TNIK: variants seen among roughly 807,000 people sequenced by gnomAD.
TNIK encodes TRAF2 and NCK-interacting protein kinase.
Under a neutral mutation model 191.3 loss-of-function variants are expected in TNIK, and 49 were observed. The observed-to-expected ratio is 0.26, with a 90% CI of 0.20 to 0.32. The LOEUF is 0.32. Ranked by LOEUF, TNIK falls within the 10% of genes least tolerant of loss-of-function variation. TNIK has a pLI of 1.00. For missense variants in TNIK, 1,155 were observed against 1,702.3 expected (o/e 0.68, Z 5.66); for synonymous variants, 594 against 600.9 (o/e 0.99, Z 0.17).
chr3:171,263,721 C>T (rs1047546268), intron 2 of TNIK, among the ~76,000 whole-genome samples: 1 of 151,598 alleles, frequency 6.6e-6, no homozygotes, highest in Admixed American at 6.6e-5. Context: ...TGACAAGAGC[C>T]ATTATTAGAA....
At chr3:171,186,215 A>G (rs1292637573) in intron 7 of TNIK, among the ~76,000 whole-genome samples, 1 of 152,242 alleles carries the variant, frequency 6.6e-6, no homozygotes, top group Non-Finnish European at 1.5e-5. Context: ...TCCTAAGGAT[A>G]CTGAACAGAA....
intron 28 of TNIK, among the ~76,000 whole-genome samples, chr3:171,075,934 C>T (rs536839104): frequency 5.6e-4 from 85 of 152,192 alleles, no homozygotes; most frequent in African/African-American, 2.0e-3. Context: ...GACAGGGTTT[C>T]ACTATGTTGG....
intron 18 of TNIK, among the ~76,000 whole-genome samples, chr3:171,112,695 T>A (rs1282659649): frequency 1.3e-5 from 2 of 152,080 alleles, no homozygotes; most frequent in East Asian, 3.9e-4. Flanking sequence ...GTTTTTTTTT[T>A]CCTTTTTATA....
chr3:171,313,470 C>T (rs1754276734), intron 2 of TNIK, among the ~76,000 whole-genome samples: 1 of 152,118 alleles, frequency 6.6e-6, no homozygotes, highest in Non-Finnish European at 1.5e-5. Flanking sequence ...GTTTTCCTAT[C>T]ATTTGTAGGT....
At chr3:171,347,391 TCACA>T (rs150384769) in intron 2 of TNIK, among the ~76,000 whole-genome samples, 2,599 of 146,118 alleles carry the variant, frequency 0.018, 85 homozygotes, top group African/African-American at 0.063. Context: ...GAAGTGCCTA[TCACA>T]CACACACACA....
intron 2 of TNIK, among the ~76,000 whole-genome samples, chr3:171,235,937 T>G (rs770703088): frequency 1.1e-4 from 16 of 152,164 alleles, no homozygotes; most frequent in Non-Finnish European, 1.9e-4. Context: ...TGTATAGCCC[T>G]TAATAACTTA....
intron 22 of TNIK, among the ~76,000 whole-genome samples, chr3:171,099,540 A>T (rs1019968453): frequency 6.6e-6 from 1 of 152,156 alleles, no homozygotes; most frequent in Admixed American, 6.6e-5. Flanking sequence ...AGCAAGAGAG[A>T]TGAGTAAGGC....
chr3:171,347,256 C>CCCTAGCT, intron 2 of TNIK: 1 of 1,505,144 alleles, frequency 6.6e-7, no homozygotes, highest in Non-Finnish European at 8.8e-7. Flanking sequence ...AATGACAAAA[C>CCCTAGCT]CCTAGCTCAG....
At chr3:171,091,665 G>T (rs1032685190) in intron 23 of TNIK, among the ~76,000 whole-genome samples, 5 of 151,990 alleles carry the variant, frequency 3.3e-5, no homozygotes, top group Non-Finnish European at 7.4e-5. Flanking sequence ...AACCCAGGAG[G>T]TGGAGGTTGC....
At chr3:171,176,555 G>T (rs1735981665) in intron 8 of TNIK, among the ~76,000 whole-genome samples, 1 of 152,132 alleles carries the variant, frequency 6.6e-6, no homozygotes, top group African/African-American at 2.4e-5. Context: ...TAGGTGGAAG[G>T]GTCCCAGCCT....
intron 2 of TNIK, among the ~76,000 whole-genome samples, chr3:171,281,101 A>G (rs77495061): frequency 0.059 from 8,986 of 152,236 alleles, 307 homozygotes; most frequent in Middle Eastern, 0.12. Flanking sequence ...TTAGTAGGAA[A>G]CATTCTGGTT....
intron 2 of TNIK, among the ~76,000 whole-genome samples, chr3:171,234,520 C>A (rs929141574): frequency 6.6e-6 from 1 of 152,250 alleles, no homozygotes; most frequent in East Asian, 1.9e-4. Flanking sequence ...CTCTGAGTGA[C>A]AGAAAATGGA....
At chr3:171,241,797 G>A (rs1745016785) in intron 2 of TNIK, among the ~76,000 whole-genome samples, 1 of 152,058 alleles carries the variant, frequency 6.6e-6, no homozygotes, top group African/African-American at 2.4e-5. Context: ...ACTGGATTAA[G>A]AAAATGTGGC....
At chr3:171,102,522 G>A (rs757228010) in intron 21 of TNIK, among the ~76,000 whole-genome samples, 5 of 152,116 alleles carry the variant, frequency 3.3e-5, no homozygotes, top group Non-Finnish European at 7.4e-5. Flanking sequence ...GTAATGCAGA[G>A]GGAAGCAGTT....
At chr3:171,075,141 G>A (rs1719729268) in intron 28 of TNIK, among the ~76,000 whole-genome samples, 1 of 152,190 alleles carries the variant, frequency 6.6e-6, no homozygotes, top group South Asian at 2.1e-4. Context: ...TTCCTGCAAT[G>A]AATTTTATTG....
chr3:171,063,318 G>A lies in TNIK; in HGVS notation c.*563C>T, dbSNP rs1718024669. On this transcript the variant is annotated 3_prime_UTR_variant, in exon 33 of 33. Transcript: ENST00000436636. ...GTTGCTATCAAAAAGCAACCTTTTG[G>A]GTTGGTGAAGGCAAGAGAGTTCTTA... The A allele has an allele frequency of 6.6e-6, 1 of 152,148 alleles. No individual in the cohort carries two copies. Among genetic ancestry groups the A allele is most frequent in the African/African-American group, 2.4e-5 (1 of 41,426 alleles). 9.4% of individuals were successfully genotyped at this position (152,148 alleles called of 1,614,324 possible). A position where few individuals can be genotyped will look rare whatever the true frequency, so the allele number is the denominator to read the frequency against.
rs73169791 is a variant in TNIK at position 171,159,874 on chromosome 3, A to G, written c.1016+1396T>C. 0.1 allele frequency among the ~76,000 whole-genome samples: 15,914 copies of G among 152,312 alleles called. 1,258 individuals carry two copies. The highest frequency in any genetic ancestry group is 0.22 in the African/African-American group (9,103 of 41,534). ...CAGGACTTGGAACATAATCTTCAGC[A>G]TGATATAATGACATGTTATAATTAC... is the stretch of plus-strand genomic sequence containing the variant. On this transcript the variant is annotated intron_variant, in intron 11 of 32. Transcript: ENST00000436636. The surrounding 1 kb of genome is among the most constrained non-coding windows in gnomAD (Gnocchi z 4.1).
At chr3:171,070,492 A>G (rs1215445982) in intron 29 of TNIK, among the ~76,000 whole-genome samples, 2 of 152,122 alleles carry the variant, frequency 1.3e-5, no homozygotes, top group African/African-American at 4.8e-5. Flanking sequence ...AGAGTGAGAG[A>G]AAACAGAAGA....
chr3:171,443,702 C>CT (rs1393366268), intron 1 of TNIK, among the ~76,000 whole-genome samples: 8 of 152,192 alleles, frequency 5.3e-5, no homozygotes, highest in Admixed American at 5.2e-4. Flanking sequence ...TAGCACACAC[C>CT]TGTAGTCCCA....
Sources: gnomAD v4.1 joint callset for allele counts (sites outside exome capture counted in the v4.1 genomes callset) on GRCh38, gnomAD v4.1.1 for gene constraint, Gnocchi (gnomAD v3.1) non-coding constraint, MANE v1.5 for transcripts, NCBI Gene and HGNC (gene_info 2026-07-23, HGNC 2026-07-21) for gene names.